Variants in SWT1 observed in about 807,000 individuals in gnomAD.
SWT1 encodes SWT1 RNA endoribonuclease homolog, also known as transcriptional protein SWT1.
In SWT1, 33 loss-of-function variants were observed where a neutral mutation model predicts 107.3. The observed-to-expected ratio is 0.31, with a 90% confidence interval of 0.23 to 0.41. The LOEUF is 0.41. SWT1 is among the 10% of genes least tolerant of loss of function. The probability of loss-of-function intolerance (pLI) is 1.00; values close to 1 mark genes in which losing one functional copy is unlikely to be tolerated. For missense variants in SWT1, 898 were observed against 1,028.9 expected (o/e 0.87, Z 1.74); for synonymous variants, 345 against 348.3 (o/e 0.99, Z 0.11).
At chr1:185,183,029 C>G (rs1206242111) in intron 7 of SWT1, among the ~76,000 whole-genome samples, 1 of 151,290 alleles carries the variant, frequency 6.6e-6, no homozygotes, top group Non-Finnish European at 1.5e-5. Context: ...CCCAGCTACT[C>G]AGGAGGCTGA....
Position 185,214,671 on chromosome 1 carries a change from A to G in SWT1, c.2121+16A>G, listed in dbSNP as rs1299987084. On this transcript the variant is annotated intron_variant, in intron 14 of 18. Coordinates refer to ENST00000367500, the MANE Select transcript of SWT1 (RefSeq NM_017673.7). ...ATTTGCAGAGGTAAGATGCCTTTGG[A>G]ATGCCAGTTAGAGTAGCTAATTATA... is the stretch of plus-strand genomic sequence containing the variant. 14 of 1,596,274 alleles carry G rather than the reference A, an allele frequency of 8.8e-6. No individual in the cohort carries two copies. In the South Asian group the frequency reaches 1.5e-4, roughly 17 times the overall value.
At chr1:185,261,828 T>C (rs914711060) in intron 16 of SWT1, among the ~76,000 whole-genome samples, 2 of 152,252 alleles carry the variant, frequency 1.3e-5, no homozygotes, top group Admixed American at 6.5e-5. Flanking sequence ...ATTTTTCTTA[T>C]GCTTCAAAGT....
intron 16 of SWT1, among the ~76,000 whole-genome samples, chr1:185,244,673 A>G (rs1431123000): frequency 6.6e-6 from 1 of 152,168 alleles, no homozygotes; most frequent in African/African-American, 2.4e-5. Context: ...CTCAATTAAA[A>G]AATGTTTTCT....
rs912400524 is a variant in SWT1, at chr1:185,258,708, C to CT, written c.2442-12607dup. On this transcript the variant is annotated intron_variant, in intron 16 of 18. Transcript: ENST00000367500. Reference sequence around the variant, plus strand: ...TGTTGCTTTTTTTGCTAGCTAATGCCTTTTTTTTCTCCTGAATGCTTTCAA... The same window carrying CT: ...TGTTGCTTTTTTTGCTAGCTAATGCCTTTTTTTTTCTCCTGAATGCTTTCAA... 1.1e-4 allele frequency among the ~76,000 whole-genome samples: 17 copies of CT among 151,740 alleles called. No homozygotes were observed. The East Asian group carries it at 1.9e-3, about 17-fold the overall frequency.
At chr1:185,225,323 T>A (rs895370008) in intron 15 of SWT1, among the ~76,000 whole-genome samples, 2 of 152,198 alleles carry the variant, frequency 1.3e-5, no homozygotes, top group African/African-American at 2.4e-5. Flanking sequence ...TGCTAGTATC[T>A]TGTTGAGAAT....
chr1:185,172,456 T>C (rs914549069), intron 4 of SWT1, among the ~76,000 whole-genome samples: 2 of 152,248 alleles, frequency 1.3e-5, no homozygotes, highest in African/African-American at 4.8e-5. Flanking sequence ...TTTAAAGTCA[T>C]TTCCAAAATT....
Position 185,204,743 on chromosome 1 carries a change from T to A in SWT1, c.1713T>A (p.Asn571Lys), listed in dbSNP as rs1239030343. ...LKESYKEEST[N>K]SGLSILLESI... The stretch of plus-strand genomic sequence containing the variant: ...AGAGCTATAAGGAGGAATCTACAAA[T>A]TCTGGACTGTCCATTCTGCTTGAGA... The change falls in exon 12 of 19, where the codon AAT (asparagine) becomes AAA (lysine). Residue 571 changes from asparagine (N) to lysine (K), a missense_variant. By Grantham distance (94) the Asn-to-Lys change is moderately conservative. Around this residue, in one of 6 missense-constraint regions of SWT1, gnomAD observed 382 missense variants for 460.0 expected, o/e 0.83. Transcript: ENST00000367500. 6.2e-6 allele frequency: 10 copies of A among 1,600,482 alleles called. No homozygotes were observed. The highest frequency in any genetic ancestry group is 1.8e-5 in the Admixed American group (1 of 56,798).
chr1:185,227,449 G>C, intron 15 of SWT1: 2 of 617,908 alleles, frequency 3.2e-6, no homozygotes, highest in Non-Finnish European at 6.0e-6. Flanking sequence ...CCATTATTTT[G>C]GCAGTTTGTG....
At chr1:185,217,020 T>G (rs187169078) in intron 14 of SWT1, among the ~76,000 whole-genome samples, 132 of 152,256 alleles carry the variant, frequency 8.7e-4, no homozygotes, top group African/African-American at 3.1e-3. Context: ...TTTCTGGTTC[T>G]TAAGTTTCAT....
At chr1:185,260,690 T>C (rs758432426) in intron 16 of SWT1, among the ~76,000 whole-genome samples, 4 of 151,992 alleles carry the variant, frequency 2.6e-5, no homozygotes, top group Non-Finnish European at 4.4e-5. Context: ...CTAGAGGAGA[T>C]CACAAGGTCA....
At chr1:185,289,179 T>A (rs1041815113) in intron 18 of SWT1, among the ~76,000 whole-genome samples, 4 of 152,220 alleles carry the variant, frequency 2.6e-5, no homozygotes, top group African/African-American at 9.6e-5. Context: ...AATACATTCT[T>A]TGATATTTGA....
intron 7 of SWT1, among the ~76,000 whole-genome samples, chr1:185,183,137 CAA>C (rs748414194): frequency 1.7e-4 from 20 of 115,436 alleles, no homozygotes; most frequent in African/African-American, 1.9e-4. Context: ...AAATCCATCT[CAA>C]AAAAAAAAAA....
chr1:185,219,565 A>G (rs984134100), intron 14 of SWT1, among the ~76,000 whole-genome samples: 1 of 152,174 alleles, frequency 6.6e-6, no homozygotes, highest in Non-Finnish European at 1.5e-5. Flanking sequence ...AGAGAAATGG[A>G]GTGATTTTAT....
intron 4 of SWT1, among the ~76,000 whole-genome samples, chr1:185,173,876 A>G (rs1655312699): frequency 6.6e-6 from 1 of 152,066 alleles, no homozygotes; most frequent in African/African-American, 2.4e-5. Context: ...AAAATTAGCT[A>G]GGCATTGTGG....
chr1:185,285,603 T>C (rs1390823519), intron 18 of SWT1, among the ~76,000 whole-genome samples: 2 of 152,216 alleles, frequency 1.3e-5, no homozygotes, highest in African/African-American at 2.4e-5. Flanking sequence ...TAAGAATCCA[T>C]TGCCAAACCT....
chr1:185,241,699 T>G (rs1661264487), intron 16 of SWT1, among the ~76,000 whole-genome samples: 1 of 152,190 alleles, frequency 6.6e-6, no homozygotes, highest in African/African-American at 2.4e-5. Flanking sequence ...AGTAAGTGAT[T>G]ATTTAATGAG....
intron 7 of SWT1, 77 bp downstream of exon 7, chr1:185,182,134 T>A: frequency 7.1e-7 from 1 of 1,412,050 alleles, no homozygotes; most frequent in Non-Finnish European, 9.6e-7. Flanking sequence ...ATTTTTATAA[T>A]ATTTAGATGA....
In SWT1 at chr1:185,181,944, A is replaced by C. The variant is rs764764988; in HGVS notation, c.1027-2A>C. On this transcript the variant is annotated splice_acceptor_variant, in intron 6 of 18. Coordinates refer to ENST00000367500, the MANE Select transcript of SWT1 (RefSeq NM_017673.7). LOFTEE classifies it high-confidence loss of function. ...ATTTCACTGGGGTCTTTTACACTTTAGATGCAGATAGTAGAAGAGCTTCAT... is the reference window on the plus strand; with the variant it reads ...ATTTCACTGGGGTCTTTTACACTTTCGATGCAGATAGTAGAAGAGCTTCAT... 6.2e-7 allele frequency: 1 copy of C among 1,613,812 alleles called. No homozygotes were observed. Among genetic ancestry groups the C allele is most frequent in the Non-Finnish European group, 8.5e-7 (1 of 1,179,878 alleles).
At chr1:185,175,224 G>GT in intron 5 of SWT1, 111 bp downstream of exon 5, 3 of 988,820 alleles carry the variant, frequency 3.0e-6, no homozygotes, top group African/African-American at 1.8e-5. Flanking sequence ...TTTTGTTGTT[G>GT]TTTGTTTTTT....
Sources: gnomAD v4.1 joint callset for allele counts (sites outside exome capture counted in the v4.1 genomes callset) on GRCh38, gnomAD v4.1.1 for gene constraint, gnomAD v4.1.1 regional missense constraint, MANE v1.5 for transcripts, NCBI Gene and HGNC (gene_info 2026-07-23, HGNC 2026-07-21) for gene names.